The following PTPRD variants were observed in gnomAD, a reference collection of about 807,000 sequenced individuals.
PTPRD encodes protein tyrosine phosphatase receptor type D, also known as receptor-type tyrosine-protein phosphatase delta.
Under a neutral mutation model 214.5 loss-of-function variants are expected in PTPRD, and 34 were observed. The observed-to-expected ratio is 0.16, with a 90% CI of 0.12 to 0.21. The LOEUF is 0.21. Ranked by LOEUF, PTPRD falls within the 10% of genes least tolerant of loss-of-function variation. The pLI is 1.00. For synonymous variants in PTPRD, 1,128 were observed against 845.7 expected (o/e 1.33, Z -5.79); for missense variants, 2,545 against 2,398.7 (o/e 1.06, Z -1.27).
At chr9:8,776,250 A>G (rs558660520) in intron 11 of PTPRD, among the ~76,000 whole-genome samples, 2 of 152,300 alleles carry the variant, frequency 1.3e-5, no homozygotes, top group African/African-American at 4.8e-5. Context: ...TCAGTTTGCC[A>G]TGGGTAAAAT....
At chr9:10,607,127 C>T (rs2079610734) in intron 2 of PTPRD, among the ~76,000 whole-genome samples, 1 of 151,682 alleles carries the variant, frequency 6.6e-6, no homozygotes, top group Non-Finnish European at 1.5e-5. Context: ...AAATTATTCT[C>T]TTCCTTTTTA....
intron 8 of PTPRD, among the ~76,000 whole-genome samples, chr9:9,428,260 T>C (rs537409182): frequency 2.0e-5 from 3 of 152,044 alleles, no homozygotes; most frequent in Admixed American, 2.0e-4. Context: ...GGGATTGCAA[T>C]CCTAATCTCT....
chr9:8,869,968 C>T (rs1407082464), intron 11 of PTPRD, among the ~76,000 whole-genome samples: 4 of 152,144 alleles, frequency 2.6e-5, no homozygotes, highest in African/African-American at 7.2e-5. Flanking sequence ...TGTAATTACA[C>T]GAAATTTGTA....
intron 11 of PTPRD, among the ~76,000 whole-genome samples, chr9:8,847,727 G>A (rs2097726471): frequency 6.9e-6 from 1 of 144,406 alleles, no homozygotes. Flanking sequence ...ACAAGGAGAA[G>A]AGGCTAAACT....
chr9:10,331,930 A>G (rs1306501975), intron 3 of PTPRD, among the ~76,000 whole-genome samples: 2 of 151,882 alleles, frequency 1.3e-5, no homozygotes, highest in Non-Finnish European at 2.9e-5. Flanking sequence ...AGTTATCTCA[A>G]TGTTCAGGGT....
intron 35 of PTPRD, among the ~76,000 whole-genome samples, chr9:8,423,123 A>G (rs925337485): frequency 6.6e-6 from 1 of 152,180 alleles, no homozygotes; most frequent in Non-Finnish European, 1.5e-5. Flanking sequence ...ACATTAAATC[A>G]TGTTTCATAA....
At chr9:10,024,107 T>C (rs1274883146) in intron 4 of PTPRD, among the ~76,000 whole-genome samples, 1 of 152,146 alleles carries the variant, frequency 6.6e-6, no homozygotes, top group Admixed American at 6.5e-5. Context: ...AATATTTGCT[T>C]TGTCAGTGTC....
At chr9:10,562,887 G>C (rs1408245350) in intron 2 of PTPRD, among the ~76,000 whole-genome samples, 1 of 151,766 alleles carries the variant, frequency 6.6e-6, no homozygotes, top group Non-Finnish European at 1.5e-5. Flanking sequence ...ATGATTTGTA[G>C]AAAAAAAGCA....
intron 3 of PTPRD, among the ~76,000 whole-genome samples, chr9:10,133,135 T>C (rs530241620): frequency 1.3e-5 from 2 of 152,246 alleles, no homozygotes; most frequent in Admixed American, 6.5e-5. Flanking sequence ...CTGTTTACCA[T>C]GGTTGGTAAA....
chr9:10,603,161 C>T (rs923923935), intron 2 of PTPRD, among the ~76,000 whole-genome samples: 2 of 151,780 alleles, frequency 1.3e-5, no homozygotes, highest in African/African-American at 4.8e-5. Flanking sequence ...GCTTGAAGGG[C>T]CACCCCAGGG....
chr9:10,430,580 G>A (rs574678577), intron 2 of PTPRD, among the ~76,000 whole-genome samples: 88 of 151,866 alleles, frequency 5.8e-4, no homozygotes, highest in African/African-American at 2.0e-3. Flanking sequence ...TTTTGATTTA[G>A]TCTCTTATAT....
chr9:10,314,603 T>C (rs2096370217), intron 3 of PTPRD, among the ~76,000 whole-genome samples: 1 of 151,866 alleles, frequency 6.6e-6, no homozygotes, highest in Non-Finnish European at 1.5e-5. Context: ...AATACATATT[T>C]GATAGTAGTT....
intron 3 of PTPRD, among the ~76,000 whole-genome samples, chr9:10,255,201 G>T (rs1027191528): frequency 6.6e-6 from 1 of 152,114 alleles, no homozygotes; most frequent in African/African-American, 2.4e-5. Context: ...CTTAAGGAGG[G>T]GGATACATTC....
intron 12 of PTPRD, among the ~76,000 whole-genome samples, chr9:8,684,108 G>A (rs548426420): frequency 7.8e-4 from 119 of 152,130 alleles, no homozygotes; most frequent in African/African-American, 2.6e-3. Context: ...TCTCTGCTGC[G>A]CCCTATCTGA....
At chr9:8,359,924 G>A (rs570622499) in intron 39 of PTPRD, among the ~76,000 whole-genome samples, 3 of 152,098 alleles carry the variant, frequency 2.0e-5, no homozygotes, top group African/African-American at 2.4e-5. Context: ...TTTAACTCAA[G>A]CTTTCCTTTT....
chr9:8,719,156 T>C (rs1324701347), intron 12 of PTPRD, among the ~76,000 whole-genome samples: 2 of 152,190 alleles, frequency 1.3e-5, no homozygotes. Flanking sequence ...GCTCCAAATG[T>C]CAGGCACACC....
chr9:9,000,693 C>T (rs2099414600), intron 11 of PTPRD, among the ~76,000 whole-genome samples: 1 of 151,914 alleles, frequency 6.6e-6, no homozygotes, highest in Non-Finnish European at 1.5e-5. Context: ...GGCTATTATG[C>T]ACATCTGACT....
chr9:8,962,023 C>G (rs1241787343), intron 11 of PTPRD: 1 of 152,068 alleles, frequency 6.6e-6, no homozygotes, highest in Non-Finnish European at 1.5e-5. Flanking sequence ...AAATCATCTC[C>G]CCTTTATGTC....
At position 9,697,575 on chromosome 9, in the gene PTPRD, T is replaced by C. The variant is rs538593624; in HGVS notation, c.-287+36958A>G. On this transcript the variant is annotated intron_variant, in intron 7 of 45. Transcript: ENST00000381196. ...CCAAAAAAATTGGAAGTCTCTCATA[T>C]GTTTTTTGCTTCTTTTCTCTTGTTG... Among the ~76,000 whole-genome samples, 5 of 152,136 alleles carry C rather than the reference T, an allele frequency of 3.3e-5. No individual in the cohort carries two copies. In the East Asian group the frequency reaches 9.6e-4, roughly 29 times the overall value.
Sources: allele counts gnomAD v4.1 joint callset (sites outside exome capture counted in the v4.1 genomes callset), GRCh38; gene constraint gnomAD v4.1.1; transcripts MANE v1.5; gene names NCBI Gene and HGNC (gene_info 2026-07-23, HGNC 2026-07-21).